Variants in HR observed in about 807,000 individuals in gnomAD.
HR encodes lysine-specific demethylase hairless.
In HR, 83 loss-of-function variants were observed where a neutral mutation model predicts 128.6. That is an observed-to-expected ratio of 0.65 (90% confidence interval 0.54 to 0.77). The LOEUF (loss-of-function observed/expected upper bound fraction) is 0.77. HR is among the 30% of genes least tolerant of loss of function. HR has a pLI of 0.00. For synonymous variants in HR, 681 were observed against 658.2 expected, an observed-to-expected ratio of 1.03 and a Z score of -0.53; for missense variants, 1,490 against 1,574.6, an observed-to-expected ratio of 0.95 and a Z score of 0.91.
At chr8:22,118,676 C>G (rs1826651891) in intron 16 of HR, 1 of 540,794 alleles carries the variant, frequency 1.8e-6, no homozygotes, top group Middle Eastern at 5.0e-4. Context: ...GCCTAAGGCC[C>G]TAGCACCACG....
chr8:22,123,974 C>A (rs1205914604), intron 5 of HR, among the ~76,000 whole-genome samples, 161 bp from the exon 6 acceptor site: 1 of 152,102 alleles, frequency 6.6e-6, no homozygotes, highest in Non-Finnish European at 1.5e-5. Flanking sequence ...ACAGCTACCC[C>A]CTGCTTACTC....
At chr8:22,123,617 T>TGGGGGGCG in intron 6 of HR, 32 bp downstream of exon 6, 14 of 292,086 alleles carry the variant, frequency 4.8e-5, no homozygotes, top group Non-Finnish European at 8.1e-5. Flanking sequence ...GAGGGCTCCA[T>TGGGGGGCG]CCCGCCCTCC....
rs1043157734 is a variant in HR at position 22,116,564 on chromosome 8, C to T, written c.3379-136G>A. The T allele has an allele frequency of 3.2e-6, 4 of 1,264,860 alleles. No individual in the cohort carries two copies. The highest frequency in any genetic ancestry group is 1.5e-5 in the African/African-American group (1 of 66,088). The allele number at this position is 1,264,860 out of a possible 1,614,324, so 78.4% of individuals were successfully genotyped here. ...CTCAGAGAGCAGATTCCTGGATGCA[C>T]CACTGGACACCTCAAAGCCTGTGGC... On this transcript the variant is annotated intron_variant, in intron 17 of 18. Coordinates refer to ENST00000381418, the MANE Select transcript of HR (RefSeq NM_005144.5). This position sits in a 1 kb window ranked among gnomAD's most constrained non-coding sequence, Gnocchi z 4.2.
chr8:22,125,530 G>T, intron 4 of HR, 26 bp from the exon 5 acceptor site: 2 of 1,613,092 alleles, frequency 1.2e-6, no homozygotes, highest in Non-Finnish European at 1.7e-6. Flanking sequence ...GGGGAGGTGA[G>T]CAGGGAGCCC....
chr8:22,118,724 G>C lies in HR; in HGVS notation c.3213+226C>G, dbSNP rs1027515374. ...CAGCTGGTGCTCTCATTTCATCATC[G>C]GGTCCAGGCTCTCCTGCCGCAGCCC... On this transcript the variant is annotated intron_variant, in intron 16 of 18. Coordinates refer to ENST00000381418, the MANE Select transcript of HR (RefSeq NM_005144.5). 4 of 580,330 alleles carry C rather than the reference G, an allele frequency of 6.9e-6. No individual in the cohort carries two copies. The East Asian group carries it at 1.1e-4, about 16-fold the overall frequency. The allele number at this position is 580,330 out of a possible 1,614,324, so 35.9% of individuals were successfully genotyped here.
intron 3 of HR, among the ~76,000 whole-genome samples, chr8:22,126,089 G>A (rs1396794214): frequency 1.3e-5 from 2 of 152,232 alleles, no homozygotes; most frequent in Admixed American, 6.5e-5. Context: ...ACCACTGGCT[G>A]CGTGACATGA....
rs752583254 is a variant in HR at position 22,115,707 on chromosome 8, G to T, written c.3563C>A (p.Ala1188Asp). The change falls in exon 19 of 19, where the codon GCC becomes GAC. Residue 1188 changes from alanine (A) to aspartate (D), a missense_variant. By Grantham distance (126) the Ala-to-Asp change is moderately radical (BLOSUM62 -2). This residue lies in a region of HR where 423 missense variants were observed against 495.9 expected (regional missense o/e 0.85). Coordinates refer to ENST00000381418, the MANE Select transcript of HR (RefSeq NM_005144.5). The stretch of plus-strand genomic sequence containing the variant: ...CAGACACCTAGCATCCCTCTATTTG[G>T]CCTCCTGTAATGTCCCCACGGCCAC... Reference protein sequence around the residue: ...VKVAVGTLQEAK With the variant: ...VKVAVGTLQEDK 3.7e-6 allele frequency: 6 copies of T among 1,613,648 alleles called. No homozygotes were observed. In the East Asian group the frequency reaches 1.1e-4, roughly 30 times the overall value.
At chr8:22,125,785 C>T in intron 3 of HR, 53 bp from the exon 4 acceptor site, 1 of 1,597,792 alleles carries the variant, frequency 6.3e-7, no homozygotes, top group Non-Finnish European at 8.5e-7. Flanking sequence ...CTGCTGAGAA[C>T]CCCATTCCTC....
intron 8 of HR, 31 bp downstream of exon 8, chr8:22,122,462 T>G: frequency 6.6e-7 from 1 of 1,520,202 alleles, no homozygotes; most frequent in Non-Finnish European, 9.0e-7. Flanking sequence ...GCAGGCACGA[T>G]ACCCAACCGG....
intron 9 of HR, 93 bp downstream of exon 9, chr8:22,121,520 G>T: frequency 2.2e-6 from 3 of 1,358,676 alleles, no homozygotes; most frequent in Non-Finnish European, 3.2e-6. Context: ...AGTTGCTAAA[G>T]TCCCCGGAGA....
At chr8:22,118,249 C>G (rs1826641391) in intron 16 of HR, 1 of 152,916 alleles carries the variant, frequency 6.5e-6, no homozygotes, top group Non-Finnish European at 1.5e-5. Context: ...CTCAGCTGGA[C>G]TTGGGAACCA....
In HR at chr8:22,128,771, C is replaced by G. The variant is rs375317866; in HGVS notation, c.400G>C (p.Asp134His). The change falls in exon 2 of 19, where the codon GAC becomes CAC. Residue 134 changes from aspartate to histidine, a missense_variant. Asp to His is a moderately conservative substitution (Grantham distance 81). Around this residue, in one of 3 missense-constraint regions of HR, gnomAD observed 1,060 missense variants for 1,060.9 expected, o/e 1.00. Coordinates refer to ENST00000381418, the MANE Select transcript of HR (RefSeq NM_005144.5). The stretch of plus-strand genomic sequence containing the variant: ...TGCCAGGGCCGGAAGGCCACAGGGT[C>G]ACTCTTGAGATGGCCACCACTATGC... ...PEHSGGHLKS[D>H]PVAFRPWHCP... 3.7e-6 allele frequency: 6 copies of G among 1,608,854 alleles called. No homozygotes were observed. In the African/African-American group the frequency reaches 8.0e-5, roughly 21 times the overall value.
chr8:22,127,472 G>A lies in HR; in HGVS notation c.970C>T (p.Arg324Trp), dbSNP rs143170974. The change falls in exon 3 of 19, where the codon CGG (arginine) becomes TGG (tryptophan). Residue 324 changes from arginine (R) to tryptophan (W), a missense_variant. Physicochemically the swap from Arg to Trp is moderately radical, Grantham distance 101 (BLOSUM62 -3). This residue lies in a region of HR where 1,060 missense variants were observed against 1,060.9 expected (regional missense o/e 1.00). Coordinates refer to ENST00000381418, the MANE Select transcript of HR (RefSeq NM_005144.5). ...GGTGGGTAGGATGAACAGCAGCCCC[G>A]CTGGGTGACAGGCGGCTCAGGAGAG... is the stretch of plus-strand genomic sequence containing the variant. Reference protein sequence around the residue: ...CPSPEPPVTQRGCCSSYPPTK... With the variant: ...CPSPEPPVTQWGCCSSYPPTK... 1.4e-3 allele frequency: 2,318 copies of A among 1,610,980 alleles called. 8 individuals carry two copies. The highest frequency in any genetic ancestry group is 1.4e-3 in the Non-Finnish European group (1,647 of 1,178,192).
chr8:22,119,183 G>C lies in HR; in HGVS notation c.3078C>G (p.Ala1026=). 6.2e-7 allele frequency: 1 copy of C among 1,613,908 alleles called. No homozygotes were observed. The highest frequency in any genetic ancestry group is 8.5e-7 in the Non-Finnish European group (1 of 1,180,034). The change falls in exon 15 of 19, where the codon GCC becomes GCG. Residue 1026 remains alanine, a synonymous_variant. Coordinates refer to ENST00000381418, the MANE Select transcript of HR (RefSeq NM_005144.5). ...ILVHADTPLP[A]WHRAQKDFLS... The stretch of plus-strand genomic sequence containing the variant: ...ACCTACCTTTCTGTGCCCGGTGCCA[G>C]GCAGGCAGTGGTGTGTCGGCATGCA...
In HR at chr8:22,120,482, C is replaced by T. The variant is rs771886990; in HGVS notation, c.2636G>A (p.Arg879Lys). The T allele has an allele frequency of 5.9e-5, 95 of 1,613,866 alleles. No individual in the cohort carries two copies. Among genetic ancestry groups the T allele is most frequent in the Non-Finnish European group, 7.6e-5 (90 of 1,180,040 alleles). Residue 879 changes from arginine (R) to lysine (K), a missense_variant, in exon 12 of 19, where the codon AGG (arginine) becomes AAG (lysine). Around this residue, in one of 3 missense-constraint regions of HR, gnomAD observed 423 missense variants for 495.9 expected, o/e 0.85. Coordinates refer to ENST00000381418, the MANE Select transcript of HR (RefSeq NM_005144.5). ...GQPVLVSGIQ[R>K]TLQGNLWGTE... ...CCCCCACAGGTTGCCCTGCAATGTC[C>T]TTTGGATCCCTGACACCAACACAGG...
At chr8:22,121,364 C>G in intron 9 of HR, 136 bp from the exon 10 acceptor site, 2 of 1,201,394 alleles carry the variant, frequency 1.7e-6, no homozygotes, top group South Asian at 1.4e-5. Context: ...CACCTCAGCT[C>G]TGCTCTGGGT....
At chr8:22,123,467 G>T (rs2131759798) in intron 6 of HR, among the ~76,000 whole-genome samples, 182 bp downstream of exon 6, 1 of 152,336 alleles carries the variant, frequency 6.6e-6, no homozygotes, top group South Asian at 2.1e-4. Context: ...ACGCAGGCAT[G>T]GTCCTCTGAT....
Position 22,116,482 on chromosome 8 carries a change from TC to T in HR, c.3379-55del. Reference sequence around the variant, plus strand: ...CTCAAGATCACACATCCTCTCCCTGTCCCCCTGGTCCCTGAGGTTCGCTTCC... The same window carrying T: ...CTCAAGATCACACATCCTCTCCCTGTCCCCTGGTCCCTGAGGTTCGCTTCC... On this transcript the variant is annotated intron_variant, in intron 17 of 18. Coordinates refer to ENST00000381418, the MANE Select transcript of HR (RefSeq NM_005144.5). The surrounding 1 kb of genome is among the most constrained non-coding windows in gnomAD (Gnocchi z 4.2). The T allele has an allele frequency of 1.3e-6, 2 of 1,584,216 alleles. No homozygotes were observed. The highest frequency in any genetic ancestry group is 1.7e-6 in the Non-Finnish European group (2 of 1,165,028).
At position 22,115,748 on chromosome 8, in the gene HR, C is replaced by A. The variant is rs758417801; in HGVS notation, c.3522G>T (p.Val1174=). ...CCACGGCCACCTTCACTGCTTGGAACACAGCCCAGTCCATCTAGGAAAAAG... is the reference window on the plus strand; with the variant it reads ...CCACGGCCACCTTCACTGCTTGGAAAACAGCCCAGTCCATCTAGGAAAAAG... ...HLLYAQMDWA[V]FQAVKVAVGT... The change falls in exon 19 of 19, where the codon GTG becomes GTT. Residue 1174 remains valine (V), a synonymous_variant. Coordinates refer to ENST00000381418, the MANE Select transcript of HR (RefSeq NM_005144.5). The A allele has an allele frequency of 1.9e-6, 3 of 1,614,038 alleles. No homozygotes were observed. Among genetic ancestry groups the A allele is most frequent in the Non-Finnish European group, 2.5e-6 (3 of 1,180,002 alleles).
Sources: allele counts gnomAD v4.1 joint callset (sites outside exome capture counted in the v4.1 genomes callset), GRCh38; gene constraint gnomAD v4.1.1; regional missense constraint gnomAD v4.1.1; non-coding constraint Gnocchi (gnomAD v3.1); transcripts MANE v1.5; gene names NCBI Gene and HGNC (gene_info 2026-07-23, HGNC 2026-07-21).